DIAPH3: variants seen among roughly 807,000 people sequenced by gnomAD.
The protein encoded by DIAPH3 is diaphanous related formin 3.
DIAPH3 carries 117 observed loss-of-function variants against 144.3 expected under a neutral mutation model. The ratio of observed to expected loss-of-function variants is 0.81; its 90% CI spans 0.70 to 0.95. The LOEUF is 0.95. DIAPH3 is among the 40% of genes least tolerant of loss of function. The probability of loss-of-function intolerance (pLI) is 0.00; values close to 1 mark genes in which losing one functional copy is unlikely to be tolerated. For missense variants in DIAPH3, 1,421 were observed against 1,412.7 expected (o/e 1.01, Z -0.09); for synonymous variants, 519 against 488.9 (o/e 1.06, Z -0.81).
intron 27 of DIAPH3, among the ~76,000 whole-genome samples, chr13:59,748,290 T>C (rs1295787388): frequency 1.3e-5 from 2 of 152,216 alleles, no homozygotes; most frequent in African/African-American, 4.8e-5. Context: ...GAATATCTAC[T>C]CTAGTTCTCT....
intron 25 of DIAPH3, among the ~76,000 whole-genome samples, chr13:59,803,543 G>A (rs921546709): frequency 1.3e-5 from 2 of 151,862 alleles, no homozygotes; most frequent in Non-Finnish European, 2.9e-5. Flanking sequence ...TAACAAGAGT[G>A]GCACTGATAA....
intron 24 of DIAPH3, among the ~76,000 whole-genome samples, chr13:59,816,902 T>G (rs1273213769): frequency 6.6e-6 from 1 of 151,930 alleles, no homozygotes; most frequent in Non-Finnish European, 1.5e-5. Context: ...CCATTTTTAC[T>G]GCATCCAGCA....
chr13:59,727,316 T>C (rs138746871), intron 27 of DIAPH3, among the ~76,000 whole-genome samples: 2 of 152,314 alleles, frequency 1.3e-5, no homozygotes, highest in African/African-American at 2.4e-5. Context: ...TTGTTTGTTA[T>C]TCAGGGAAGA....
chr13:60,100,608 T>C (rs541258982), intron 3 of DIAPH3, among the ~76,000 whole-genome samples: 21 of 152,080 alleles, frequency 1.4e-4, no homozygotes, highest in Non-Finnish European at 2.8e-4. Flanking sequence ...ACATTAGAGG[T>C]AGTTTGGTGA....
chr13:60,087,440 T>C (rs1364195468), intron 4 of DIAPH3, among the ~76,000 whole-genome samples: 2 of 152,202 alleles, frequency 1.3e-5, no homozygotes, highest in East Asian at 3.8e-4. Context: ...CACAAATATA[T>C]ACATACACAC....
chr13:59,972,359 T>C (rs914577711), intron 15 of DIAPH3, among the ~76,000 whole-genome samples: 1 of 152,202 alleles, frequency 6.6e-6, no homozygotes, highest in Admixed American at 6.5e-5. Context: ...TTTCGATGGA[T>C]ACAAAGAAGA....
chr13:59,884,777 G>A (rs780245940), intron 20 of DIAPH3, among the ~76,000 whole-genome samples: 2 of 63,182 alleles, frequency 3.2e-5, no homozygotes, highest in South Asian at 6.5e-4. Context: ...TTGGAGAAAG[G>A]CTTCAAAAAA....
chr13:60,091,500 G>C (rs745501023), intron 4 of DIAPH3, among the ~76,000 whole-genome samples: 19 of 152,026 alleles, frequency 1.2e-4, no homozygotes, highest in Non-Finnish European at 5.9e-5. Context: ...GTCTTACTAT[G>C]TTGCCCAGGC....
At chr13:60,067,276 C>T (rs957243075) in intron 4 of DIAPH3, among the ~76,000 whole-genome samples, 1 of 151,446 alleles carries the variant, frequency 6.6e-6, no homozygotes, top group Admixed American at 6.6e-5. Flanking sequence ...CAGTGTGAGA[C>T]CCTATATCAA....
At chr13:59,851,573 T>A (rs1008555868) in intron 22 of DIAPH3, among the ~76,000 whole-genome samples, 5 of 152,176 alleles carry the variant, frequency 3.3e-5, no homozygotes, top group African/African-American at 1.2e-4. Context: ...TTACAGCTCT[T>A]TGGTGCCTTG....
At chr13:60,048,983 T>C (rs915567825) in intron 4 of DIAPH3, among the ~76,000 whole-genome samples, 1 of 152,230 alleles carries the variant, frequency 6.6e-6, no homozygotes, top group Non-Finnish European at 1.5e-5. Context: ...AAATCTACGA[T>C]GTATGGAATA....
At chr13:60,162,415 C>T (rs1236217403) in intron 1 of DIAPH3, among the ~76,000 whole-genome samples, 2 of 152,170 alleles carry the variant, frequency 1.3e-5, no homozygotes, top group Non-Finnish European at 2.9e-5. Flanking sequence ...ATTCTTCTCA[C>T]ATTAGGCAAA....
chr13:60,070,128 A>G (rs1412313020), intron 4 of DIAPH3, among the ~76,000 whole-genome samples: 5 of 151,978 alleles, frequency 3.3e-5, no homozygotes, highest in Non-Finnish European at 5.9e-5. Context: ...ATATGTTTCC[A>G]TTTGTTTGTG....
At chr13:60,060,643 A>G (rs569056269) in intron 4 of DIAPH3, among the ~76,000 whole-genome samples, 1 of 152,150 alleles carries the variant, frequency 6.6e-6, no homozygotes, top group Non-Finnish European at 1.5e-5. Context: ...CTAACTGGAT[A>G]GATTGTCTCA....
At chr13:59,895,767 G>T (rs1435235068) in intron 20 of DIAPH3, among the ~76,000 whole-genome samples, 1 of 152,118 alleles carries the variant, frequency 6.6e-6, no homozygotes, top group Non-Finnish European at 1.5e-5. Context: ...ATGGAGAAAG[G>T]CCTACTCAAG....
chr13:59,875,881 C>T (rs1266172076), intron 21 of DIAPH3, among the ~76,000 whole-genome samples: 2 of 152,036 alleles, frequency 1.3e-5, no homozygotes, highest in African/African-American at 4.8e-5. Flanking sequence ...ATCCTGACTA[C>T]AAATGTCTAC....
Position 59,666,864 on chromosome 13 carries a change from G to A in DIAPH3, c.3320-18C>T. ...CTGATTTTCTACAGTAAGGAAAAAA[G>A]AAACATAAAACTTATCACCATGATA... On this transcript the variant is annotated intron_variant, in intron 27 of 27. Coordinates refer to ENST00000400324, the MANE Select transcript of DIAPH3 (RefSeq NM_001042517.2). 1.2e-6 allele frequency: 2 copies of A among 1,613,900 alleles called. No individual in the cohort carries two copies. Among genetic ancestry groups the A allele is most frequent in the Non-Finnish European group, 1.7e-6 (2 of 1,179,876 alleles).
intron 25 of DIAPH3, among the ~76,000 whole-genome samples, chr13:59,802,743 G>A (rs1411853042): frequency 3.1e-5 from 4 of 128,476 alleles, no homozygotes; most frequent in East Asian, 2.4e-4. Flanking sequence ...CTGCAGTGGC[G>A]CAATCTCGGC....
chr13:60,133,582 T>C (rs1026353864), intron 1 of DIAPH3, among the ~76,000 whole-genome samples: 2 of 152,182 alleles, frequency 1.3e-5, no homozygotes, highest in African/African-American at 4.8e-5. Context: ...GTGGTGACAG[T>C]AGACACTTTT....
Sources: gnomAD v4.1 joint callset for allele counts (sites outside exome capture counted in the v4.1 genomes callset) on GRCh38, gnomAD v4.1.1 for gene constraint, MANE v1.5 for transcripts, NCBI Gene and HGNC (gene_info 2026-07-23, HGNC 2026-07-21) for gene names.